The following CDH19 variants were observed in gnomAD, a reference collection of about 807,000 sequenced individuals.
The protein encoded by CDH19 is cadherin 19.
A neutral mutation model predicts 64.2 loss-of-function variants in CDH19; 67 were observed. That is an observed-to-expected ratio of 1.04 (90% confidence interval 0.86 to 1.28). CDH19 has a LOEUF of 1.28. Ranked by LOEUF, CDH19 falls within the 50% of genes most tolerant of loss-of-function variation. The pLI, the probability that CDH19 is intolerant of heterozygous loss-of-function variation, is 0.00. For missense variants in CDH19, 1,030 were observed against 929.0 expected, an observed-to-expected ratio of 1.11 and a Z score of -1.41; for synonymous variants, 346 against 319.3, an observed-to-expected ratio of 1.08 and a Z score of -0.89.
intron 10 of CDH19, among the ~76,000 whole-genome samples, chr18:66,509,935 G>A (rs758937645): frequency 6.6e-6 from 1 of 151,750 alleles, no homozygotes; most frequent in Non-Finnish European, 1.5e-5. Context: ...CACTTAGACT[G>A]ATTCATTTAC....
At chr18:66,565,060 A>C (rs1987859980) in intron 3 of CDH19, among the ~76,000 whole-genome samples, 1 of 151,746 alleles carries the variant, frequency 6.6e-6, no homozygotes, top group Admixed American at 6.6e-5. Flanking sequence ...TTGTCCACCC[A>C]TGTACTCACT....
intron 9 of CDH19, among the ~76,000 whole-genome samples, chr18:66,512,161 G>A (rs1204597632): frequency 6.6e-6 from 1 of 151,518 alleles, no homozygotes; most frequent in Non-Finnish European, 1.5e-5. Flanking sequence ...GCAATTGATT[G>A]AGGAAATAAT....
At chr18:66,601,400 A>G (rs758844234) in intron 1 of CDH19, among the ~76,000 whole-genome samples, 9 of 151,882 alleles carry the variant, frequency 5.9e-5, no homozygotes, top group East Asian at 1.9e-4. Flanking sequence ...AATTATCCCC[A>G]CTTTAATACA....
intron 8 of CDH19, among the ~76,000 whole-genome samples, chr18:66,530,658 A>AT (rs1320687299): frequency 6.6e-6 from 1 of 151,870 alleles, no homozygotes; most frequent in African/African-American, 2.4e-5. Flanking sequence ...TGATATAAAA[A>AT]AGACATTTCA....
chr18:66,577,614 T>C (rs1988303930), intron 1 of CDH19, among the ~76,000 whole-genome samples: 1 of 151,912 alleles, frequency 6.6e-6, no homozygotes, highest in African/African-American at 2.4e-5. Flanking sequence ...TGGCAAAGAT[T>C]TCTTACAACA....
chr18:66,594,631 T>C (rs1988832979), intron 1 of CDH19, among the ~76,000 whole-genome samples: 1 of 151,368 alleles, frequency 6.6e-6, no homozygotes, highest in African/African-American at 2.4e-5. Flanking sequence ...ATACACTGGA[T>C]TAAGAAAATG....
chr18:66,510,664 G>T (rs11151280), intron 10 of CDH19, among the ~76,000 whole-genome samples: 65,366 of 148,912 alleles, frequency 0.44, 15,071 homozygotes, highest in African/African-American at 0.57. Flanking sequence ...TTGTTACATG[G>T]CTAAATTTTG....
In CDH19 at chr18:66,502,097, C is replaced by CT. The variant is rs1241091295; in HGVS notation, c.*2714dup. On this transcript the variant is annotated 3_prime_UTR_variant, in exon 12 of 12. Transcript: ENST00000262150. The stretch of plus-strand genomic sequence containing the variant: ...CAAAAATAAATTCTTAATGTAATGC[C>CT]TTTTTAGTTTAAGAGCTGTGTTCTT... 1 of 151,904 alleles carries CT rather than the reference C, an allele frequency of 6.6e-6. No individual in the cohort carries two copies. Among genetic ancestry groups the CT allele is most frequent in the Non-Finnish European group, 1.5e-5 (1 of 67,950 alleles). 9.4% of individuals were successfully genotyped at this position (151,904 alleles called of 1,614,324 possible). A position where few individuals can be genotyped will look rare whatever the true frequency, so the allele number is the denominator to read the frequency against.
chr18:66,525,787 A>G (rs1228957099), intron 9 of CDH19, among the ~76,000 whole-genome samples: 2 of 152,126 alleles, frequency 1.3e-5, no homozygotes, highest in African/African-American at 4.8e-5. Flanking sequence ...AAATGGAGGA[A>G]CATGATAGGT....
chr18:66,537,792 T>C (rs537865929), intron 7 of CDH19, among the ~76,000 whole-genome samples: 1 of 152,034 alleles, frequency 6.6e-6, no homozygotes, highest in Non-Finnish European at 1.5e-5. Flanking sequence ...AGAGTTCCCA[T>C]TGCTTCTTGA....
intron 1 of CDH19, among the ~76,000 whole-genome samples, chr18:66,602,031 T>C (rs746853335): frequency 1.3e-5 from 2 of 151,938 alleles, no homozygotes; most frequent in African/African-American, 4.8e-5. Flanking sequence ...AAAGCAAAGA[T>C]ACAGGTGATA....
chr18:66,509,222 T>C lies in CDH19; in HGVS notation c.1601A>G (p.Asn534Ser), dbSNP rs1313213317. Residue 534 changes from asparagine to serine, a missense_variant, in exon 11 of 12, where the codon AAT becomes AGT. Asn to Ser is a conservative substitution (Grantham distance 46). Coordinates refer to ENST00000262150, the MANE Select transcript of CDH19 (RefSeq NM_021153.4). ...TTCTTGAAGGTTAAAACCAGTTCTA[T>C]TAGTCAAAATGACAGCTGTGTTATC... ...NQDNTAVILT[N>S]RTGFNLQEEP... 1.6e-5 allele frequency: 26 copies of C among 1,612,322 alleles called. No individual in the cohort carries two copies. Among genetic ancestry groups the C allele is most frequent in the Non-Finnish European group, 2.0e-5 (24 of 1,179,004 alleles).
At chr18:66,586,710 T>C (rs1001685918) in intron 1 of CDH19, among the ~76,000 whole-genome samples, 1 of 152,124 alleles carries the variant, frequency 6.6e-6, no homozygotes, top group Non-Finnish European at 1.5e-5. Flanking sequence ...ATTGTCTCAA[T>C]GCTCATTTCA....
intron 9 of CDH19, among the ~76,000 whole-genome samples, chr18:66,514,146 A>T (rs1985625811): frequency 6.6e-6 from 1 of 151,488 alleles, no homozygotes; most frequent in Non-Finnish European, 1.5e-5. Flanking sequence ...AGGTAAGTAA[A>T]TTGGCTGGGC....
rs781459205 is a variant in CDH19, at chr18:66,568,680, AATTGTTTCC to A, written c.217_225del (p.Gly73_Asn75del). On this transcript the variant is annotated inframe_deletion, in exon 3 of 12. Coordinates refer to ENST00000262150, the MANE Select transcript of CDH19 (RefSeq NM_021153.4). ...GCTCCCAAAAGCTTGTACTGGAAAG[AATTGTTTCC>A]ATTGTCTAAATCAGATCTTAGCTGC... is the stretch of plus-strand genomic sequence containing the variant. The A allele has an allele frequency of 2.4e-5, 39 of 1,609,478 alleles. No homozygotes were observed. Among genetic ancestry groups the A allele is most frequent in the Non-Finnish European group, 3.2e-5 (38 of 1,178,366 alleles).
chr18:66,563,699 A>G (rs1987805064), intron 3 of CDH19, among the ~76,000 whole-genome samples: 1 of 151,966 alleles, frequency 6.6e-6, no homozygotes, highest in Admixed American at 6.6e-5. Flanking sequence ...TTCTTGCTGC[A>G]TTTATACTTG....
At chr18:66,603,626 C>A (rs187923647) in intron 1 of CDH19, among the ~76,000 whole-genome samples, 1 of 151,682 alleles carries the variant, frequency 6.6e-6, no homozygotes, top group African/African-American at 2.4e-5. Context: ...CAAAGAAAGA[C>A]ATGCAAAGAA....
chr18:66,511,618 AGATT>A lies in CDH19; in HGVS notation c.1522_1525del (p.Asn508TyrfsTer3). ...TGAATTGTTAGTGTCTTCTACAGAT[AGATT>A]AAAGTAAAAATGGTGCTCTTCTATG... is the stretch of plus-strand genomic sequence containing the variant. On this transcript the variant is annotated frameshift_variant, in exon 10 of 12. Transcript: ENST00000262150. LOFTEE classifies it high-confidence loss of function. The A allele has an allele frequency of 6.4e-7, 1 of 1,563,126 alleles. No individual in the cohort carries two copies. Among genetic ancestry groups the A allele is most frequent in the Non-Finnish European group, 8.8e-7 (1 of 1,134,818 alleles).
intron 1 of CDH19, among the ~76,000 whole-genome samples, chr18:66,599,898 A>G (rs927856729): frequency 4.6e-5 from 7 of 152,000 alleles, no homozygotes; most frequent in African/African-American, 1.4e-4. Context: ...AGAAGACAGT[A>G]AAGTATACGT....
Sources: allele counts gnomAD v4.1 joint callset (sites outside exome capture counted in the v4.1 genomes callset), GRCh38; gene constraint gnomAD v4.1.1; transcripts MANE v1.5; gene names NCBI Gene and HGNC (gene_info 2026-07-23, HGNC 2026-07-21).